The following CLPB variants were observed in gnomAD, a reference collection of about 807,000 sequenced individuals.
CLPB encodes mitochondrial disaggregase.
In CLPB, 40 loss-of-function variants were observed where a neutral mutation model predicts 78.4. That is an observed-to-expected ratio of 0.51 (90% CI 0.40 to 0.66). The LOEUF is 0.66. Ranked by LOEUF, CLPB falls within the 30% of genes least tolerant of loss-of-function variation. CLPB has a pLI of 0.00. For missense variants in CLPB, 780 were observed against 886.9 expected, an observed-to-expected ratio of 0.88 and a Z score of 1.53; for synonymous variants, 333 against 348.0, an observed-to-expected ratio of 0.96 and a Z score of 0.48.
At chr11:72,299,032 C>T (rs942600130) in intron 11 of CLPB, among the ~76,000 whole-genome samples, 1 of 152,262 alleles carries the variant, frequency 6.6e-6, no homozygotes, top group African/African-American at 2.4e-5. Context: ...CCTTGGCCAT[C>T]TCCATCTGGA....
intron 4 of CLPB, among the ~76,000 whole-genome samples, chr11:72,366,594 A>G (rs1332202134): frequency 6.6e-6 from 1 of 152,198 alleles, no homozygotes; most frequent in Non-Finnish European, 1.5e-5. Flanking sequence ...AAAATGGGCC[A>G]AAGACAAGGA....
intron 5 of CLPB, among the ~76,000 whole-genome samples, chr11:72,330,038 TAAGA>T (rs1950196595): frequency 6.6e-6 from 1 of 152,174 alleles, no homozygotes; most frequent in Non-Finnish European, 1.5e-5. Context: ...TTGAACATGC[TAAGA>T]AAGTATGCCA....
intron 11 of CLPB, 63 bp from the exon 12 acceptor site, chr11:72,295,711 T>A: frequency 6.5e-7 from 1 of 1,535,328 alleles, no homozygotes; most frequent in Non-Finnish European, 8.9e-7. Flanking sequence ...GCCTTAGCAC[T>A]CTCAGTTCTC....
At chr11:72,404,508 C>G (rs1410226871) in intron 2 of CLPB, among the ~76,000 whole-genome samples, 1 of 152,204 alleles carries the variant, frequency 6.6e-6, no homozygotes, top group African/African-American at 2.4e-5. Flanking sequence ...CAAATACTTT[C>G]GAAGGCACTG....
intron 5 of CLPB, among the ~76,000 whole-genome samples, chr11:72,337,299 C>T (rs1380277163): frequency 6.6e-6 from 1 of 152,098 alleles, no homozygotes; most frequent in Non-Finnish European, 1.5e-5. Flanking sequence ...GCCCCCGCCC[C>T]CCTGCCCCTG....
intron 4 of CLPB, among the ~76,000 whole-genome samples, chr11:72,375,927 T>C (rs184015450): frequency 1.4e-4 from 22 of 152,348 alleles, no homozygotes; most frequent in Admixed American, 5.9e-4. Context: ...GAATGTATCA[T>C]TGGAGGTTAG....
intron 6 of CLPB, among the ~76,000 whole-genome samples, chr11:72,319,977 G>A (rs779955597): frequency 4.6e-5 from 7 of 152,232 alleles, no homozygotes; most frequent in African/African-American, 1.4e-4. Flanking sequence ...GCCATGAGCC[G>A]AGTCCACTTG....
chr11:72,401,051 T>C (rs1201388687), intron 3 of CLPB, among the ~76,000 whole-genome samples: 2 of 152,250 alleles, frequency 1.3e-5, no homozygotes, highest in African/African-American at 4.8e-5. Context: ...AGAAACAGGC[T>C]GTCCATGGAG....
chr11:72,334,908 C>T (rs1358621101), intron 5 of CLPB, among the ~76,000 whole-genome samples: 2 of 152,268 alleles, frequency 1.3e-5, no homozygotes, highest in African/African-American at 2.4e-5. Flanking sequence ...AAATAGCAGA[C>T]TGGCTTCCTG....
At chr11:72,402,840 C>T in intron 3 of CLPB, 126 bp downstream of exon 3, 2 of 704,662 alleles carry the variant, frequency 2.8e-6, no homozygotes, top group South Asian at 1.8e-5. Context: ...TCCAGTACCT[C>T]AGTCTGAATC....
intron 2 of CLPB, among the ~76,000 whole-genome samples, chr11:72,404,366 G>A (rs1413794165): frequency 6.6e-6 from 1 of 152,228 alleles, no homozygotes; most frequent in Admixed American, 6.5e-5. Flanking sequence ...TTGAATCCTA[G>A]CACCATTCTT....
rs753016437 is a variant in CLPB, at chr11:72,434,259, C to T, written c.216G>A (p.Gly72=). The change falls in exon 1 of 16, where the codon GGG becomes GGA. Residue 72 remains glycine, a synonymous_variant. Coordinates refer to ENST00000538039, the MANE Select transcript of CLPB (RefSeq NM_001258392.3). ...TGGTATCGAAGCGTCCTCCCTGGCG[C>T]CCCCCGGTGGCTGCCCCACGTCCGG... ...LFSGRGAATG[G]RQGGRFDTKC... The T allele has an allele frequency of 1.9e-6, 3 of 1,612,658 alleles. No individual in the cohort carries two copies. The highest frequency in any genetic ancestry group is 2.7e-5 in the African/African-American group (2 of 74,778).
intron 2 of CLPB, among the ~76,000 whole-genome samples, chr11:72,428,180 G>T (rs939072693): frequency 6.6e-6 from 1 of 152,138 alleles, no homozygotes; most frequent in African/African-American, 2.4e-5. Flanking sequence ...TCATAATCAA[G>T]AGCTGCTTTG....
At chr11:72,354,381 T>C (rs1158169270) in intron 5 of CLPB, 1 of 398,324 alleles carries the variant, frequency 2.5e-6, no homozygotes, top group African/African-American at 2.1e-5. Context: ...CTCAATTCTC[T>C]GGAGGAACCT....
chr11:72,332,628 C>CAG (rs1425180516), intron 5 of CLPB: 1 of 152,240 alleles, frequency 6.6e-6, no homozygotes, highest in East Asian at 1.9e-4. Flanking sequence ...TATCTATTAT[C>CAG]AGACACTCCC....
chr11:72,358,768 C>G, intron 5 of CLPB, 112 bp downstream of exon 5: 1 of 850,162 alleles, frequency 1.2e-6, no homozygotes, highest in South Asian at 1.8e-5. Context: ...AATAGTGAGG[C>G]TGCCAAGTAC....
intron 3 of CLPB, among the ~76,000 whole-genome samples, chr11:72,396,034 T>C (rs564732386): frequency 4.3e-4 from 65 of 152,244 alleles, no homozygotes; most frequent in Non-Finnish European, 7.6e-4. Context: ...CCCTCTCCCC[T>C]TAGTAAGGCA....
At chr11:72,351,407 C>A (rs1055070077) in intron 5 of CLPB, 2 of 152,172 alleles carry the variant, frequency 1.3e-5, no homozygotes, top group African/African-American at 4.8e-5. Flanking sequence ...TAAATGTGGT[C>A]TGTGTACTGG....
At chr11:72,328,862 G>A (rs1305107548) in intron 6 of CLPB, among the ~76,000 whole-genome samples, 2 of 152,152 alleles carry the variant, frequency 1.3e-5, no homozygotes, top group Non-Finnish European at 2.9e-5. Context: ...GCTGATTTAG[G>A]TTTCAGAGAT....
Sources: gnomAD v4.1 joint callset for allele counts (sites outside exome capture counted in the v4.1 genomes callset) on GRCh38, gnomAD v4.1.1 for gene constraint, MANE v1.5 for transcripts, NCBI Gene and HGNC (gene_info 2026-07-23, HGNC 2026-07-21) for gene names.